CDYL: variants seen among roughly 807,000 people sequenced by gnomAD.
The protein encoded by CDYL is chromodomain Y-like protein.
CDYL carries 8 observed loss-of-function variants against 47.3 expected under a neutral mutation model. The observed-to-expected ratio is 0.17, with a 90% CI of 0.10 to 0.31. The LOEUF is 0.31. Ranked by LOEUF, CDYL falls within the 10% of genes least tolerant of loss-of-function variation. The pLI, the probability that CDYL is intolerant of heterozygous loss-of-function variation, is 1.00. For synonymous variants in CDYL, 266 were observed against 265.0 expected (o/e 1.00, Z -0.04); for missense variants, 471 against 701.4 (o/e 0.67, Z 3.71).
In CDYL at chr6:4,917,286, G is replaced by A. The variant is rs116723353; in HGVS notation, c.692-18229G>A. Among the ~76,000 whole-genome samples, 1,397 of 152,242 alleles carry A rather than the reference G, an allele frequency of 9.2e-3. 27 individuals carry two copies. Among genetic ancestry groups the A allele is most frequent in the African/African-American group, 0.032 (1,343 of 41,550 alleles). On this transcript the variant is annotated intron_variant, in intron 2 of 6. Coordinates refer to ENST00000397588, the MANE Select transcript of CDYL (RefSeq NM_004824.4). Reference sequence around the variant, plus strand: ...GGTTTGTTTTTGTCTTAGAATCTTCGTTTTAATGGCGTTTCCATCCTTGCT... The same window carrying A: ...GGTTTGTTTTTGTCTTAGAATCTTCATTTTAATGGCGTTTCCATCCTTGCT...
intron 2 of CDYL, among the ~76,000 whole-genome samples, chr6:4,724,013 G>C (rs1344328360): frequency 6.6e-6 from 1 of 152,182 alleles, no homozygotes; most frequent in African/African-American, 2.4e-5. Context: ...ACATACCTGT[G>C]CTAGTTTGAG....
At chr6:4,834,835 C>G (rs929803482) in intron 1 of CDYL, among the ~76,000 whole-genome samples, 6 of 152,052 alleles carry the variant, frequency 3.9e-5, no homozygotes, top group Admixed American at 6.5e-5. Context: ...CATCTTCCAT[C>G]GCTGATACCC....
chr6:4,789,070 C>T (rs947430808), intron 1 of CDYL, among the ~76,000 whole-genome samples: 9 of 151,926 alleles, frequency 5.9e-5, no homozygotes, highest in Admixed American at 3.9e-4. Flanking sequence ...TCCTGGTTTT[C>T]GTGTTTTTTG....
intron 2 of CDYL, among the ~76,000 whole-genome samples, chr6:4,727,882 A>G (rs1313657673): frequency 6.6e-6 from 1 of 151,944 alleles, no homozygotes; most frequent in African/African-American, 2.4e-5. Context: ...GTGGTTTAGG[A>G]CTGGTTGGTT....
At chr6:4,898,842 A>G (rs1762360780) in intron 2 of CDYL, among the ~76,000 whole-genome samples, 1 of 152,224 alleles carries the variant, frequency 6.6e-6, no homozygotes, top group Admixed American at 6.5e-5. Context: ...ATTATTTTCC[A>G]ATGATTGATG....
At position 4,732,572 on chromosome 6, in the gene CDYL, G is replaced by A. The variant is rs140523782; in HGVS notation, c.104-2190G>A. Among the ~76,000 whole-genome samples, 762 of 151,800 alleles carry A rather than the reference G, an allele frequency of 5.0e-3. 3 individuals are homozygous for A. Among genetic ancestry groups the A allele is most frequent in the African/African-American group, 0.017 (720 of 41,382 alleles). On this transcript the variant is annotated intron_variant, in intron 2 of 8. Coordinates refer to the CDYL transcript ENST00000328908. ...AGCTACTCAGGAGGCTGAGGTGGGA[G>A]GCTTGCTGGAGCCTGGGAGGTTGAG...
chr6:4,939,188 T>C (rs1758289785), intron 4 of CDYL, among the ~76,000 whole-genome samples: 1 of 152,206 alleles, frequency 6.6e-6, no homozygotes, highest in African/African-American at 2.4e-5. Flanking sequence ...TTTTGATAGT[T>C]ACTAGGCTCC....
chr6:4,731,820 C>T (rs570607014), intron 2 of CDYL, among the ~76,000 whole-genome samples: 6 of 120,864 alleles, frequency 5.0e-5, no homozygotes, highest in Non-Finnish European at 8.9e-5. Flanking sequence ...GACTCTGTCT[C>T]AAAAAAAAAA....
At chr6:4,908,341 G>A (rs542318512) in intron 2 of CDYL, among the ~76,000 whole-genome samples, 1 of 152,042 alleles carries the variant, frequency 6.6e-6, no homozygotes, top group Admixed American at 6.5e-5. Flanking sequence ...TGCGAGCACA[G>A]GATTTAGGCA....
At chr6:4,885,199 G>A (rs573444651) in intron 1 of CDYL, among the ~76,000 whole-genome samples, 1 of 152,144 alleles carries the variant, frequency 6.6e-6, no homozygotes, top group East Asian at 1.9e-4. Context: ...TTGCTATGTT[G>A]TCCAGGCTGG....
intron 3 of CDYL, among the ~76,000 whole-genome samples, chr6:4,759,812 G>A (rs1207540468): frequency 7.2e-6 from 1 of 138,358 alleles, no homozygotes; most frequent in Non-Finnish European, 1.5e-5. Context: ...CCAGGAGGTG[G>A]AGGTTGCAGT....
At chr6:4,936,227 G>A (rs1758188889) in intron 3 of CDYL, among the ~76,000 whole-genome samples, 1 of 152,164 alleles carries the variant, frequency 6.6e-6, no homozygotes, top group East Asian at 1.9e-4. Flanking sequence ...CATCTTTCCA[G>A]TCCCCAGATA....
At chr6:4,953,850 G>T (rs1341385714) in intron 6 of CDYL, 48 bp from the exon 7 acceptor site, 1 of 1,574,574 alleles carries the variant, frequency 6.4e-7, no homozygotes. Context: ...GGGGACCCGT[G>T]TCTGCCCGCA....
chr6:4,892,431 G>C (rs758442864), intron 2 of CDYL, 52 bp downstream of exon 2: 1 of 1,525,212 alleles, frequency 6.6e-7, no homozygotes, highest in East Asian at 2.3e-5. Context: ...GAGGGCTCGG[G>C]TCCTTCTCTA....
intron 1 of CDYL, among the ~76,000 whole-genome samples, chr6:4,715,426 C>T (rs1172658104): frequency 6.6e-6 from 1 of 152,214 alleles, no homozygotes; most frequent in African/African-American, 2.4e-5. Flanking sequence ...TATCAGGCCA[C>T]TTGGCTTACT....
chr6:4,848,763 C>T lies in CDYL; in HGVS notation c.25-42950C>T, dbSNP rs116061467. The stretch of plus-strand genomic sequence containing the variant: ...ATGCTAAGGATTGAGGGTCGTGGGC[C>T]TTAATTGTATAGAAGACGCAGTTGC... On this transcript the variant is annotated intron_variant, in intron 1 of 6. Transcript: ENST00000397588. Among the ~76,000 whole-genome samples the T allele has an allele frequency of 7.8e-3, 1,181 of 152,256 alleles. 17 individuals are homozygous for T. The highest frequency in any genetic ancestry group is 0.027 in the African/African-American group (1,139 of 41,550).
chr6:4,797,585 C>T (rs1411262735), intron 1 of CDYL, among the ~76,000 whole-genome samples: 2 of 152,186 alleles, frequency 1.3e-5, no homozygotes, highest in Non-Finnish European at 2.9e-5. Context: ...ACTCCATGCC[C>T]ATTAGCTGTC....
intron 3 of CDYL, among the ~76,000 whole-genome samples, chr6:4,936,288 C>T (rs1758190643): frequency 6.6e-6 from 1 of 152,198 alleles, no homozygotes. Flanking sequence ...TCCACACATG[C>T]TCATTGCTGA....
intron 1 of CDYL, among the ~76,000 whole-genome samples, chr6:4,842,288 T>C (rs1028930612): frequency 6.8e-6 from 1 of 147,964 alleles, no homozygotes; most frequent in Non-Finnish European, 1.5e-5. Context: ...TAAGTCCTTT[T>C]GTTATAAGTT....
Sources: gnomAD v4.1 joint callset for allele counts (sites outside exome capture counted in the v4.1 genomes callset) on GRCh38, gnomAD v4.1.1 for gene constraint, MANE v1.5 for transcripts, NCBI Gene and HGNC (gene_info 2026-07-23, HGNC 2026-07-21) for gene names.